The following LSAMP variants were observed in gnomAD, a reference collection of about 807,000 sequenced individuals.
LSAMP encodes limbic system associated membrane protein.
LSAMP carries 7 observed loss-of-function variants against 38.6 expected under a neutral mutation model. The ratio of observed to expected loss-of-function variants is 0.18; its 90% confidence interval spans 0.10 to 0.34. The LOEUF (loss-of-function observed/expected upper bound fraction) is 0.34. Ranked by LOEUF, LSAMP falls within the 10% of genes least tolerant of loss-of-function variation. The pLI is 1.00. For synonymous variants in LSAMP, 154 were observed against 166.8 expected (o/e 0.92, Z 0.59); for missense variants, 313 against 420.0 (o/e 0.75, Z 2.23).
chr3:116,230,463 A>T (rs1190119014), intron 1 of LSAMP, among the ~76,000 whole-genome samples: 1 of 152,150 alleles, frequency 6.6e-6, no homozygotes, highest in Non-Finnish European at 1.5e-5. Flanking sequence ...CATATATTTC[A>T]AAATTCGATT....
intron 1 of LSAMP, among the ~76,000 whole-genome samples, chr3:116,237,319 G>A (rs1174907811): frequency 1.3e-5 from 2 of 152,128 alleles, no homozygotes; most frequent in Non-Finnish European, 2.9e-5. Flanking sequence ...TTGTAAGTAA[G>A]TAAAACATTC....
intron 3 of LSAMP, among the ~76,000 whole-genome samples, chr3:115,933,600 A>C (rs144917816): frequency 6.6e-6 from 1 of 152,332 alleles, no homozygotes; most frequent in East Asian, 1.9e-4. Flanking sequence ...ACTTATATCT[A>C]GAGCTCAGAA....
At chr3:116,261,494 CTT>C (rs2046825272) in intron 1 of LSAMP, among the ~76,000 whole-genome samples, 1 of 152,202 alleles carries the variant, frequency 6.6e-6, no homozygotes, top group African/African-American at 2.4e-5. Flanking sequence ...CTGATGCTCT[CTT>C]CTTCATAGCA....
At chr3:116,161,213 A>G (rs771491601) in intron 1 of LSAMP, among the ~76,000 whole-genome samples, 1 of 152,176 alleles carries the variant, frequency 6.6e-6, no homozygotes, top group Non-Finnish European at 1.5e-5. Context: ...TACCCACCAC[A>G]GTGAGGAAGC....
intron 1 of LSAMP, among the ~76,000 whole-genome samples, chr3:116,205,214 G>C (rs2046050056): frequency 1.3e-5 from 2 of 148,560 alleles, no homozygotes; most frequent in African/African-American, 5.0e-5. Flanking sequence ...GTCTGTTGTT[G>C]GTGTATAAGA....
chr3:116,248,874 G>A (rs570818135), intron 1 of LSAMP, among the ~76,000 whole-genome samples: 7 of 152,176 alleles, frequency 4.6e-5, no homozygotes, highest in Admixed American at 6.5e-5. Flanking sequence ...ACTGCCAGGC[G>A]CGGTGGCTCA....
At chr3:116,030,561 TA>T (rs1200738613) in intron 2 of LSAMP, among the ~76,000 whole-genome samples, 6 of 152,224 alleles carry the variant, frequency 3.9e-5, no homozygotes, top group Non-Finnish European at 8.8e-5. Context: ...CTAGGCAAAA[TA>T]ACTTTTATGT....
At chr3:116,039,008 G>A (rs750361811) in intron 2 of LSAMP, among the ~76,000 whole-genome samples, 16 of 152,076 alleles carry the variant, frequency 1.1e-4, no homozygotes, top group Admixed American at 2.0e-4. Context: ...CAGTTCCAAG[G>A]TCTTTCTTTT....
At chr3:116,039,793 C>A (rs533646086) in intron 2 of LSAMP, among the ~76,000 whole-genome samples, 8 of 152,232 alleles carry the variant, frequency 5.3e-5, no homozygotes, top group African/African-American at 1.9e-4. Context: ...GTAGAAACAG[C>A]AAATTGGCTG....
chr3:116,337,159 C>T (rs1206183093), intron 1 of LSAMP, among the ~76,000 whole-genome samples: 1 of 151,682 alleles, frequency 6.6e-6, no homozygotes, highest in African/African-American at 2.4e-5. Flanking sequence ...GTTGCAGGGC[C>T]TGGAAGTAAG....
chr3:116,109,475 C>G (rs1030611749), intron 1 of LSAMP, among the ~76,000 whole-genome samples: 2 of 151,898 alleles, frequency 1.3e-5, no homozygotes, highest in Non-Finnish European at 2.9e-5. Context: ...AGATTTGGGA[C>G]GAGTTGCACT....
rs79729863 is a variant in LSAMP, at chr3:116,025,906, T to C, written c.389-6266A>G. Among the ~76,000 whole-genome samples, 85 of 152,332 alleles carry C rather than the reference T, an allele frequency of 5.6e-4. 1 individual carries two copies. In the East Asian group the frequency reaches 0.01, roughly 19 times the overall value. Reference sequence around the variant, plus strand: ...ATTTGAATTATTAAATGGGTAATATTCTTTATTGAAATGCACATAAATTCT... The same window carrying C: ...ATTTGAATTATTAAATGGGTAATATCCTTTATTGAAATGCACATAAATTCT... On this transcript the variant is annotated intron_variant, in intron 2 of 6. Coordinates refer to ENST00000490035, the MANE Select transcript of LSAMP (RefSeq NM_002338.5).
chr3:116,106,785 A>G (rs1432622115), intron 1 of LSAMP, among the ~76,000 whole-genome samples: 1 of 152,012 alleles, frequency 6.6e-6, no homozygotes, highest in East Asian at 1.9e-4. Context: ...CTAGACTAAG[A>G]GGTATTTTAG....
chr3:115,882,218 T>C (rs939197849), intron 3 of LSAMP, among the ~76,000 whole-genome samples: 1 of 152,136 alleles, frequency 6.6e-6, no homozygotes, highest in Non-Finnish European at 1.5e-5. Context: ...ATAACTCACA[T>C]ACACCTAACA....
chr3:116,343,584 T>A (rs760486063), intron 1 of LSAMP, among the ~76,000 whole-genome samples: 2 of 152,128 alleles, frequency 1.3e-5, no homozygotes, highest in Non-Finnish European at 2.9e-5. Context: ...TATAAGATGG[T>A]CTGTACTGCT....
chr3:116,095,546 C>G (rs1265164722), intron 1 of LSAMP, among the ~76,000 whole-genome samples: 2 of 152,214 alleles, frequency 1.3e-5, no homozygotes, highest in East Asian at 3.9e-4. Flanking sequence ...TCCCTTCCGG[C>G]ACCATCTGTA....
At chr3:115,958,925 G>T (rs968028763) in intron 3 of LSAMP, among the ~76,000 whole-genome samples, 31 of 152,252 alleles carry the variant, frequency 2.0e-4, no homozygotes, top group Middle Eastern at 3.4e-3. Flanking sequence ...AGGACTGTAG[G>T]CCACCCATAG....
chr3:115,932,408 T>A (rs1559886287), intron 3 of LSAMP, among the ~76,000 whole-genome samples: 1 of 152,192 alleles, frequency 6.6e-6, no homozygotes, highest in African/African-American at 2.4e-5. Context: ...GGATACTTTT[T>A]AAAAAAATAA....
At chr3:116,265,015 T>C (rs867051468) in intron 1 of LSAMP, among the ~76,000 whole-genome samples, 24 of 152,158 alleles carry the variant, frequency 1.6e-4, no homozygotes, top group African/African-American at 4.6e-4. Context: ...CCTGAGGCTC[T>C]CTAGAGGCTC....
Sources: allele counts gnomAD v4.1 joint callset (sites outside exome capture counted in the v4.1 genomes callset), GRCh38; gene constraint gnomAD v4.1.1; transcripts MANE v1.5; gene names NCBI Gene and HGNC (gene_info 2026-07-23, HGNC 2026-07-21).